Variants in KCNMB4 observed in about 807,000 individuals in gnomAD.
KCNMB4 encodes the protein calcium-activated potassium channel subunit beta-4.
KCNMB4 carries 3 observed loss-of-function variants against 20.7 expected under a neutral mutation model. That is an observed-to-expected ratio of 0.14 (90% confidence interval 0.07 to 0.37). The LOEUF is 0.37. KCNMB4 is among the 10% of genes least tolerant of loss of function. KCNMB4 has a pLI of 1.00. For missense variants in KCNMB4, 168 were observed against 265.9 expected (o/e 0.63, Z 2.56); for synonymous variants, 110 against 113.4 (o/e 0.97, Z 0.19).
At chr12:70,421,880 CTTTTTT>C (rs34594277) in intron 2 of KCNMB4, among the ~76,000 whole-genome samples, 2 of 136,900 alleles carry the variant, frequency 1.5e-5, no homozygotes, top group African/African-American at 2.7e-5. Flanking sequence ...CATGCCTGGC[CTTTTTT>C]TTTTTTTTTT....
At chr12:70,377,725 C>G (rs143051147) in intron 1 of KCNMB4, among the ~76,000 whole-genome samples, 1 of 152,332 alleles carries the variant, frequency 6.6e-6, no homozygotes, top group African/African-American at 2.4e-5. Context: ...AATCCCTCCA[C>G]TGCTTTATCA....
chr12:70,415,802 T>G (rs1236985715), intron 2 of KCNMB4, among the ~76,000 whole-genome samples: 1 of 131,408 alleles, frequency 7.6e-6, no homozygotes, highest in Admixed American at 9.5e-5. Context: ...CAACAAACAT[T>G]TATGAGCACC....
rs1036511706 is a variant in KCNMB4 at position 70,404,006 on chromosome 12, A to G, written c.464+3670A>G. Among the ~76,000 whole-genome samples the G allele has an allele frequency of 2.6e-5, 4 of 152,274 alleles. No homozygotes were observed. The South Asian group carries it at 6.2e-4, about 24-fold the overall frequency. On this transcript the variant is annotated intron_variant, in intron 2 of 2. Transcript: ENST00000258111. ...GACTTATTGCTGAAAGCATATGCAT[A>G]TGCACATATAAATATGATTACATCA...
rs570193176 is a variant in KCNMB4, at chr12:70,434,204, C to G, written c.*3551C>G. On this transcript the variant is annotated 3_prime_UTR_variant, in exon 3 of 3. Coordinates refer to ENST00000258111, the MANE Select transcript of KCNMB4 (RefSeq NM_014505.6). ...CACTCTAAGACGGATAAAAGCCAAACCAATTAAGCCGTTTCTCGACCCTCC... is the reference window on the plus strand; with the variant it reads ...CACTCTAAGACGGATAAAAGCCAAAGCAATTAAGCCGTTTCTCGACCCTCC... The G allele has an allele frequency of 1.3e-5, 2 of 152,266 alleles. No homozygotes were observed. Among genetic ancestry groups the G allele is most frequent in the South Asian group, 4.1e-4 (2 of 4,820 alleles). 9.4% of individuals were successfully genotyped at this position (152,266 alleles called of 1,614,324 possible).
intron 1 of KCNMB4, among the ~76,000 whole-genome samples, chr12:70,391,187 CT>C (rs1565858504): frequency 6.6e-6 from 1 of 152,164 alleles, no homozygotes. Flanking sequence ...AAAGAAGAAC[CT>C]TAGAAGGTTA....
chr12:70,366,894 T>C lies in KCNMB4; in HGVS notation c.160T>C (p.Cys54Arg). 6.2e-7 allele frequency: 1 copy of C among 1,613,616 alleles called. No individual in the cohort carries two copies. The highest frequency in any genetic ancestry group is 8.5e-7 in the Non-Finnish European group (1 of 1,179,944). Reference sequence around the variant, plus strand: ...GGATCTGCAAGCCACGGAGGCCAATTGCACGGTGCTGTCGGTGCAGCAGAT... The same window carrying C: ...GGATCTGCAAGCCACGGAGGCCAATCGCACGGTGCTGTCGGTGCAGCAGAT... ...LQDLQATEAN[C>R]TVLSVQQIGE... Residue 54 changes from cysteine to arginine, a missense_variant, in exon 1 of 3, where the codon TGC becomes CGC. Physicochemically the swap from Cys to Arg is radical, Grantham distance 180. Coordinates refer to ENST00000258111, the MANE Select transcript of KCNMB4 (RefSeq NM_014505.6).
chr12:70,415,467 A>G (rs747271890), intron 2 of KCNMB4, among the ~76,000 whole-genome samples: 6 of 152,232 alleles, frequency 3.9e-5, no homozygotes, highest in Non-Finnish European at 7.3e-5. Flanking sequence ...AACATCAGCC[A>G]GGATTCTAGT....
chr12:70,387,398 AT>A (rs200125786), intron 1 of KCNMB4, among the ~76,000 whole-genome samples: 32,858 of 122,958 alleles, frequency 0.27, 4,018 homozygotes, highest in African/African-American at 0.44. Context: ...AAATTTTTTA[AT>A]TTTTTTTTTT....
intron 2 of KCNMB4, among the ~76,000 whole-genome samples, chr12:70,407,061 A>C (rs1868624082): frequency 6.6e-6 from 1 of 152,148 alleles, no homozygotes; most frequent in Non-Finnish European, 1.5e-5. Flanking sequence ...GCCCCACAAG[A>C]TGACCCCCAC....
At chr12:70,370,790 G>A in intron 1 of KCNMB4, among the ~76,000 whole-genome samples, 1 of 149,036 alleles carries the variant, frequency 6.7e-6, no homozygotes, top group South Asian at 2.1e-4. Context: ...AAAAAGGTGA[G>A]TTTTTAAAAC....
Position 70,431,270 on chromosome 12 carries a change from A to AT in KCNMB4, c.*619dup, listed in dbSNP as rs902453919. 3.3e-5 allele frequency: 5 copies of AT among 152,094 alleles called. No individual in the cohort carries two copies. Among genetic ancestry groups the AT allele is most frequent in the African/African-American group, 1.2e-4 (5 of 41,400 alleles). The allele number at this position is 152,094 out of a possible 1,614,324, so 9.4% of individuals were successfully genotyped here. Reference sequence around the variant, plus strand: ...CACCTCTGTGTCTCTTAAGCAAGAGATTCTAAAAGATTGGGAAAACATATC... The same window carrying AT: ...CACCTCTGTGTCTCTTAAGCAAGAGATTTCTAAAAGATTGGGAAAACATATC... On this transcript the variant is annotated 3_prime_UTR_variant, in exon 3 of 3. Transcript: ENST00000258111.
At chr12:70,398,596 T>C (rs1378629559) in intron 1 of KCNMB4, among the ~76,000 whole-genome samples, 6 of 151,292 alleles carry the variant, frequency 4.0e-5, no homozygotes, top group African/African-American at 1.5e-4. Flanking sequence ...TTGTATATAA[T>C]AGACAACCAA....
intron 1 of KCNMB4, among the ~76,000 whole-genome samples, chr12:70,382,457 AT>A (rs1385952431): frequency 6.2e-5 from 8 of 129,052 alleles, no homozygotes; most frequent in Admixed American, 5.5e-4. Flanking sequence ...AAAAAAAAAA[AT>A]TTAAAGGTAC....
intron 2 of KCNMB4, chr12:70,422,908 C>G: frequency 9.6e-7 from 1 of 1,042,822 alleles, no homozygotes. Context: ...CGACGGTTTC[C>G]CCAGGCCTCT....
At chr12:70,410,910 CAT>C (rs1201124841) in intron 2 of KCNMB4, among the ~76,000 whole-genome samples, 3 of 152,148 alleles carry the variant, frequency 2.0e-5, no homozygotes, top group African/African-American at 7.2e-5. Context: ...TATCCTGTAG[CAT>C]ATGTTTTTAA....
chr12:70,400,429 A>G (rs1357320448), intron 2 of KCNMB4, 93 bp downstream of exon 2: 11 of 1,287,064 alleles, frequency 8.5e-6, no homozygotes, highest in Non-Finnish European at 1.2e-5. Context: ...ACTTGACAGC[A>G]TGGAGATAGC....
chr12:70,368,782 A>G (rs1243756632), intron 1 of KCNMB4, among the ~76,000 whole-genome samples: 1 of 152,178 alleles, frequency 6.6e-6, no homozygotes, highest in Non-Finnish European at 1.5e-5. Flanking sequence ...CACACACATT[A>G]ATAAATGGCT....
intron 1 of KCNMB4, among the ~76,000 whole-genome samples, chr12:70,369,062 C>G (rs1468451132): frequency 4.6e-5 from 7 of 152,080 alleles, no homozygotes; most frequent in Admixed American, 1.3e-4. Context: ...AGTACCTGAA[C>G]AAAATACATT....
intron 2 of KCNMB4, among the ~76,000 whole-genome samples, chr12:70,407,260 G>C (rs1868630869): frequency 6.6e-6 from 1 of 152,028 alleles, no homozygotes; most frequent in African/African-American, 2.4e-5. Context: ...GAGATGCATT[G>C]AGCAAGGGGC....
Sources: allele counts gnomAD v4.1 joint callset (sites outside exome capture counted in the v4.1 genomes callset), GRCh38; gene constraint gnomAD v4.1.1; transcripts MANE v1.5; gene names NCBI Gene and HGNC (gene_info 2026-07-23, HGNC 2026-07-21).